The following FOXJ3 variants were observed in gnomAD, a reference collection of about 807,000 sequenced individuals.
FOXJ3 encodes forkhead box J3.
A neutral mutation model predicts 76.1 loss-of-function variants in FOXJ3; 22 were observed. The ratio of observed to expected loss-of-function variants is 0.29; its 90% CI spans 0.21 to 0.41. The LOEUF is 0.41. Ranked by LOEUF, FOXJ3 falls within the 10% of genes least tolerant of loss-of-function variation. The pLI is 1.00. For synonymous variants in FOXJ3, 269 were observed against 261.2 expected (o/e 1.03, Z -0.29); for missense variants, 613 against 762.1 (o/e 0.80, Z 2.30).
At chr1:42,249,096 G>A (rs781420097) in intron 4 of FOXJ3, among the ~76,000 whole-genome samples, 3 of 151,986 alleles carry the variant, frequency 2.0e-5, no homozygotes, top group Non-Finnish European at 2.9e-5. Context: ...TCCATTTTAC[G>A]GCTGCATAGT....
At position 42,321,918 on chromosome 1, in the gene FOXJ3, T is replaced by C. The variant is rs78844613; in HGVS notation, c.-17-10808A>G. On this transcript the variant is annotated intron_variant, in intron 1 of 12. Coordinates refer to ENST00000361346, the MANE Select transcript of FOXJ3 (RefSeq NM_014947.5). ...GACTTTATCATCAAGGCATGATGCA[T>C]TGGAGGACAAATAATCCATTTCATG... Among the ~76,000 whole-genome samples the C allele has an allele frequency of 1.7e-4, 26 of 152,270 alleles. No homozygotes were observed. In the East Asian group the frequency reaches 4.6e-3, roughly 27 times the overall value.
chr1:42,191,714 T>C lies in FOXJ3; in HGVS notation c.940A>G (p.Met314Val). The C allele has an allele frequency of 4.4e-6, 7 of 1,608,816 alleles. No homozygotes were observed. The highest frequency in any genetic ancestry group is 4.3e-6 in the Non-Finnish European group (5 of 1,175,498). Residue 314 changes from methionine to valine, a missense_variant, in exon 9 of 13, where the codon ATG becomes GTG. Physicochemically the swap from Met to Val is conservative, Grantham distance 21. This residue lies in a region of FOXJ3 where 526 missense variants were observed against 601.4 expected (regional missense o/e 0.87). Coordinates refer to ENST00000361346, the MANE Select transcript of FOXJ3 (RefSeq NM_014947.5). ...TGGGAAGATTCAGAAGGGATGTTCATCAAACCTAAAAACAAAGCAAGATCA... is the reference window on the plus strand; with the variant it reads ...TGGGAAGATTCAGAAGGGATGTTCACCAAACCTAAAAACAAAGCAAGATCA... The part of the protein sequence containing the change: ...FEQSLSQQGL[M>V]NIPSESSQQS...
intron 1 of FOXJ3, among the ~76,000 whole-genome samples, chr1:42,333,869 A>G (rs915236149): frequency 1.3e-5 from 2 of 152,250 alleles, no homozygotes; most frequent in African/African-American, 4.8e-5. Flanking sequence ...TGAGAAAAAG[A>G]GCTATGCATA....
At chr1:42,250,845 A>T (rs1649974377) in intron 4 of FOXJ3, among the ~76,000 whole-genome samples, 1 of 151,102 alleles carries the variant, frequency 6.6e-6, no homozygotes, top group Non-Finnish European at 1.5e-5. Flanking sequence ...ATAAAAATTC[A>T]CCAAAATATT....
intron 4 of FOXJ3, among the ~76,000 whole-genome samples, chr1:42,260,762 A>C (rs565877748): frequency 2.2e-4 from 33 of 152,336 alleles, no homozygotes; most frequent in African/African-American, 7.2e-4. Context: ...AAACCAGGAG[A>C]ACCCAATCTC....
chr1:42,325,925 A>G (rs1294549179), intron 1 of FOXJ3, among the ~76,000 whole-genome samples: 1 of 152,206 alleles, frequency 6.6e-6, no homozygotes, highest in Non-Finnish European at 1.5e-5. Context: ...TTAGAAAGCA[A>G]AACAACTTCA....
intron 4 of FOXJ3, among the ~76,000 whole-genome samples, chr1:42,239,002 A>G (rs868597599): frequency 6.6e-6 from 1 of 152,228 alleles, no homozygotes; most frequent in Non-Finnish European, 1.5e-5. Flanking sequence ...TTTTCAGTGA[A>G]CAGGTCAACA....
At chr1:42,187,480 A>C (rs1377510561) in intron 11 of FOXJ3, among the ~76,000 whole-genome samples, 1 of 152,208 alleles carries the variant, frequency 6.6e-6, no homozygotes, top group African/African-American at 2.4e-5. Flanking sequence ...AATTAAAGTG[A>C]TATATCCTGA....
chr1:42,257,677 G>A lies in FOXJ3; in HGVS notation c.444+7438C>T, dbSNP rs140887515. Among the ~76,000 whole-genome samples, 13 of 149,678 alleles carry A rather than the reference G, an allele frequency of 8.7e-5. No individual in the cohort carries two copies. The East Asian group carries it at 9.8e-4, about 11-fold the overall frequency. On this transcript the variant is annotated intron_variant, in intron 4 of 12. Coordinates refer to ENST00000361346, the MANE Select transcript of FOXJ3 (RefSeq NM_014947.5). Reference sequence around the variant, plus strand: ...TCATTTGAGCCTGGGAGGCAGAGGTGCAGTGAAACAAGATCATGCCACTGC... The same window carrying A: ...TCATTTGAGCCTGGGAGGCAGAGGTACAGTGAAACAAGATCATGCCACTGC...
At chr1:42,217,390 G>T (rs879332977) in intron 5 of FOXJ3, among the ~76,000 whole-genome samples, 2 of 152,042 alleles carry the variant, frequency 1.3e-5, no homozygotes, top group Non-Finnish European at 2.9e-5. Context: ...TTCGCTGGGC[G>T]TGGTGGCATG....
intron 4 of FOXJ3, among the ~76,000 whole-genome samples, chr1:42,264,549 C>T (rs1217740828): frequency 1.3e-5 from 2 of 152,034 alleles, no homozygotes; most frequent in Non-Finnish European, 2.9e-5. Context: ...ACCAAGTACT[C>T]TTAAGTTTCA....
At chr1:42,262,461 C>A (rs1298981500) in intron 4 of FOXJ3, among the ~76,000 whole-genome samples, 1 of 152,040 alleles carries the variant, frequency 6.6e-6, no homozygotes, top group Non-Finnish European at 1.5e-5. Flanking sequence ...ATTTTGAAAT[C>A]AAAAATAAAA....
chr1:42,263,503 G>A (rs1254838352), intron 4 of FOXJ3, among the ~76,000 whole-genome samples: 2 of 151,904 alleles, frequency 1.3e-5, no homozygotes, highest in Non-Finnish European at 2.9e-5. Flanking sequence ...TTTGTAATAA[G>A]CCTCCTTTCC....
chr1:42,328,823 T>C (rs569751278), intron 1 of FOXJ3, among the ~76,000 whole-genome samples: 52 of 151,996 alleles, frequency 3.4e-4, no homozygotes, highest in South Asian at 1.9e-3. Flanking sequence ...CCCACAACCA[T>C]GCCCAGCTTA....
intron 4 of FOXJ3, among the ~76,000 whole-genome samples, chr1:42,264,378 A>T (rs1276311256): frequency 6.6e-6 from 1 of 152,154 alleles, no homozygotes; most frequent in Non-Finnish European, 1.5e-5. Context: ...CAAGGTGCTT[A>T]CATGACCAGG....
At chr1:42,192,270 A>G (rs562474132) in intron 8 of FOXJ3, among the ~76,000 whole-genome samples, 3 of 152,342 alleles carry the variant, frequency 2.0e-5, no homozygotes, top group African/African-American at 4.8e-5. Flanking sequence ...TTTATGCCAA[A>G]TAGGGAAGGG....
At chr1:42,280,543 A>C (rs770125588) in intron 2 of FOXJ3, 141 of 508,696 alleles carry the variant, frequency 2.8e-4, no homozygotes, top group Non-Finnish European at 3.3e-4. Context: ...TAGAATAAGA[A>C]GATAGGATAA....
At chr1:42,275,204 A>T (rs1416010146) in intron 3 of FOXJ3, among the ~76,000 whole-genome samples, 2 of 152,176 alleles carry the variant, frequency 1.3e-5, no homozygotes, top group Non-Finnish European at 2.9e-5. Context: ...GGTGCACGGT[A>T]AATCAGCAAA....
At chr1:42,271,228 C>T (rs1202476753) in intron 3 of FOXJ3, among the ~76,000 whole-genome samples, 1 of 152,048 alleles carries the variant, frequency 6.6e-6, no homozygotes, top group Non-Finnish European at 1.5e-5. Flanking sequence ...TCTGTGTGAT[C>T]ACATTATTAA....
Sources: allele counts gnomAD v4.1 joint callset (sites outside exome capture counted in the v4.1 genomes callset), GRCh38; gene constraint gnomAD v4.1.1; regional missense constraint gnomAD v4.1.1; transcripts MANE v1.5; gene names NCBI Gene and HGNC (gene_info 2026-07-23, HGNC 2026-07-21).